The following MMD variants were observed in gnomAD, a reference collection of about 807,000 sequenced individuals.
MMD encodes monocyte to macrophage differentiation factor.
A neutral mutation model predicts 33.6 loss-of-function variants in MMD; 22 were observed. The observed-to-expected ratio is 0.66, with a 90% CI of 0.47 to 0.94. The LOEUF is 0.94. Ranked by LOEUF, MMD falls within the 40% of genes least tolerant of loss-of-function variation. MMD has a pLI of 0.00. For missense variants in MMD, 242 were observed against 309.8 expected (o/e 0.78, Z 1.64); for synonymous variants, 97 against 103.2 (o/e 0.94, Z 0.36).
intron 1 of MMD, 82 bp downstream of exon 1, chr17:55,421,588 G>T: frequency 6.4e-7 from 1 of 1,567,844 alleles, no homozygotes; most frequent in Non-Finnish European, 8.7e-7. Flanking sequence ...CAGGTGAGGA[G>T]CCGGGAGCCG....
In MMD at chr17:55,403,887, CA is replaced by C; in HGVS notation, c.345-20del. On this transcript the variant is annotated intron_variant, in intron 4 of 6. Coordinates refer to ENST00000262065, the MANE Select transcript of MMD (RefSeq NM_012329.3). ...ATTTAACCTAAAAATGTAAACGTGA[CA>C]ACAAAGAACAGAAGTGATAAATGAA... 6.4e-7 allele frequency: 1 copy of C among 1,554,624 alleles called. No homozygotes were observed. Among genetic ancestry groups the C allele is most frequent in the Non-Finnish European group, 8.9e-7 (1 of 1,128,718 alleles).
rs1453051535 is a variant in MMD, at chr17:55,401,604, C to G, written c.447-66G>C. 3 of 1,288,750 alleles carry G rather than the reference C, an allele frequency of 2.3e-6. No individual in the cohort carries two copies. The East Asian group carries it at 7.1e-5, about 30-fold the overall frequency. The allele number at this position is 1,288,750 out of a possible 1,614,324, so 79.8% of individuals were successfully genotyped here. On this transcript the variant is annotated intron_variant, in intron 5 of 6. Coordinates refer to ENST00000262065, the MANE Select transcript of MMD (RefSeq NM_012329.3). ...CTATAACACCTAACAATTTACATAC[C>G]AGCCTTTCCTTTTTACTTTTGAGAA...
chr17:55,400,155 T>A (rs76641702), intron 6 of MMD, among the ~76,000 whole-genome samples: 8 of 152,224 alleles, frequency 5.3e-5, no homozygotes, highest in African/African-American at 1.9e-4. Context: ...TATTTTGTTA[T>A]ATTCTCATGA....
intron 4 of MMD, among the ~76,000 whole-genome samples, chr17:55,407,410 TC>T (rs1418843832): frequency 6.6e-6 from 1 of 152,184 alleles, no homozygotes; most frequent in Non-Finnish European, 1.5e-5. Flanking sequence ...TTTCTAGTGT[TC>T]TGAACAATAG....
rs1906986252 is a variant in MMD at position 55,393,275 on chromosome 17, A to ATT, written c.*1058_*1059insAA. 6.6e-6 allele frequency: 1 copy of ATT among 151,474 alleles called. No homozygotes were observed. Among genetic ancestry groups the ATT allele is most frequent in the Non-Finnish European group, 1.5e-5 (1 of 67,876 alleles). The allele number at this position is 151,474 out of a possible 1,614,324, so 9.4% of individuals were successfully genotyped here. ...GGAAAAAAAAAAAAAAACACAATATATGAGAAGATGCAAAGGAAAGGCAGA... is the reference window on the plus strand; with the variant it reads ...GGAAAAAAAAAAAAAAACACAATATATTTGAGAAGATGCAAAGGAAAGGCAGA... On this transcript the variant is annotated 3_prime_UTR_variant, in exon 7 of 7. Coordinates refer to ENST00000262065, the MANE Select transcript of MMD (RefSeq NM_012329.3).
rs763387956 is a variant in MMD at position 55,394,481 on chromosome 17, C to T, written c.570G>A (p.Leu190=). Residue 190 remains leucine, a synonymous_variant, in exon 7 of 7, where the codon TTG becomes TTA. Transcript: ENST00000262065. ...CATCACTCTTGAAGAACACAACTCC[C>T]AAGCAATAAATTAAGCCCCCACAGG... is the stretch of plus-strand genomic sequence containing the variant. The part of the protein sequence containing the change: ...ELACGGLIYC[L]GVVFFKSDGI... 2 of 1,540,368 alleles carry T rather than the reference C, an allele frequency of 1.3e-6. No individual in the cohort carries two copies. Among genetic ancestry groups the T allele is most frequent in the Non-Finnish European group, 8.7e-7 (1 of 1,147,806 alleles).
At chr17:55,415,532 A>T (rs764746159) in intron 1 of MMD, among the ~76,000 whole-genome samples, 16 of 152,236 alleles carry the variant, frequency 1.1e-4, no homozygotes, top group Non-Finnish European at 2.4e-4. Flanking sequence ...AGTTGCCAAA[A>T]ATTGGCTAAA....
At chr17:55,411,186 A>G in intron 3 of MMD, 71 bp downstream of exon 3, 1 of 1,511,980 alleles carries the variant, frequency 6.6e-7, no homozygotes, top group Non-Finnish European at 8.9e-7. Flanking sequence ...AAAGCATGCC[A>G]GCTTGGAAGG....
chr17:55,410,841 G>C (rs1028042007), intron 3 of MMD, among the ~76,000 whole-genome samples: 1 of 152,164 alleles, frequency 6.6e-6, no homozygotes, highest in African/African-American at 2.4e-5. Flanking sequence ...ACAAGGTCAA[G>C]TGATTTACCC....
In MMD at chr17:55,414,200, C is replaced by T. The variant is rs1164941903; in HGVS notation, c.59G>A (p.Arg20His). 3 of 1,613,720 alleles carry T rather than the reference C, an allele frequency of 1.9e-6. No individual in the cohort carries two copies. The highest frequency in any genetic ancestry group is 3.3e-5 in the Admixed American group (2 of 59,984). Residue 20 changes from arginine (R) to histidine (H), a missense_variant, in exon 2 of 7, where the codon CGC (arginine) becomes CAC (histidine). Arg to His is a conservative substitution (Grantham distance 29, BLOSUM62 0). Coordinates refer to ENST00000262065, the MANE Select transcript of MMD (RefSeq NM_012329.3). ...FMNHRAPANGRYKPTCYEHAA... is the reference protein window; with the variant it reads ...FMNHRAPANGHYKPTCYEHAA... Reference sequence around the variant, plus strand: ...ATGTTCATAGCAAGTTGGCTTGTAGCGGCCATTGGCTGGAGCTCGATGGTT... The same window carrying T: ...ATGTTCATAGCAAGTTGGCTTGTAGTGGCCATTGGCTGGAGCTCGATGGTT...
At position 55,393,784 on chromosome 17, in the gene MMD, A is replaced by G. The variant is rs560791394; in HGVS notation, c.*550T>C. On this transcript the variant is annotated 3_prime_UTR_variant, in exon 7 of 7. Transcript: ENST00000262065. The stretch of plus-strand genomic sequence containing the variant: ...TGACTGCTTGCTGCAAAAATTTACA[A>G]CATGAATGAGGACCTGCAGAGATGC... 6.6e-6 allele frequency: 1 copy of G among 152,670 alleles called. No individual in the cohort carries two copies. Among genetic ancestry groups the G allele is most frequent in the East Asian group, 1.9e-4 (1 of 5,202 alleles). 9.5% of individuals were successfully genotyped at this position (152,670 alleles called of 1,614,324 possible).
At chr17:55,407,594 G>A (rs1567848913) in intron 4 of MMD, 152 bp downstream of exon 4, 2 of 638,832 alleles carry the variant, frequency 3.1e-6, no homozygotes, top group Non-Finnish European at 5.3e-6. Flanking sequence ...ATCAAATGGG[G>A]AAAAAAATGC....
chr17:55,408,284 T>C (rs1907634448), intron 3 of MMD, among the ~76,000 whole-genome samples: 2 of 152,182 alleles, frequency 1.3e-5, no homozygotes, highest in Admixed American at 6.5e-5. Context: ...TCTTTGTGTC[T>C]TTTTAGAAGG....
chr17:55,410,166 C>T, intron 3 of MMD, among the ~76,000 whole-genome samples: 1 of 152,140 alleles, frequency 6.6e-6, no homozygotes, highest in East Asian at 1.9e-4. Context: ...AGCCTCAGTT[C>T]CCCCAAATAA....
At chr17:55,406,050 T>C (rs1181345640) in intron 4 of MMD, among the ~76,000 whole-genome samples, 1 of 152,234 alleles carries the variant, frequency 6.6e-6, no homozygotes, top group African/African-American at 2.4e-5. Flanking sequence ...TAAACACACT[T>C]GCTATATAGT....
rs1440936805 is a variant in MMD, at chr17:55,392,918, T to C, written c.*1416A>G. 2 of 152,050 alleles carry C rather than the reference T, an allele frequency of 1.3e-5. No homozygotes were observed. Among genetic ancestry groups the C allele is most frequent in the Non-Finnish European group, 2.9e-5 (2 of 68,008 alleles). The allele number at this position is 152,050 out of a possible 1,614,324, so 9.4% of individuals were successfully genotyped here. A position where few individuals can be genotyped will look rare whatever the true frequency, so the allele number is the denominator to read the frequency against. Reference sequence around the variant, plus strand: ...CAGAGAGTTCTAAACATATACAAAATAAACCTCTTTTAAAGCCACATCAGT... The same window carrying C: ...CAGAGAGTTCTAAACATATACAAAACAAACCTCTTTTAAAGCCACATCAGT... On this transcript the variant is annotated 3_prime_UTR_variant, in exon 7 of 7. Coordinates refer to ENST00000262065, the MANE Select transcript of MMD (RefSeq NM_012329.3).
intron 1 of MMD, among the ~76,000 whole-genome samples, chr17:55,418,950 G>A (rs1908074327): frequency 6.6e-6 from 1 of 152,146 alleles, no homozygotes; most frequent in African/African-American, 2.4e-5. Context: ...AGAGCTCTGT[G>A]GATCTTATGC....
chr17:55,421,736 G>C lies in MMD; in HGVS notation c.-41C>G. On this transcript the variant is annotated 5_prime_UTR_variant, in exon 1 of 7. Coordinates refer to ENST00000262065, the MANE Select transcript of MMD (RefSeq NM_012329.3). ...CCTCGGGGGCCAGGAGCTCCGTCTC[G>C]TCAGCACCGGCGGCCGGGCGCGCGG... is the stretch of plus-strand genomic sequence containing the variant. 6.4e-7 allele frequency: 1 copy of C among 1,567,568 alleles called. No homozygotes were observed. Among genetic ancestry groups the C allele is most frequent in the Non-Finnish European group, 8.6e-7 (1 of 1,160,180 alleles).
chr17:55,402,690 A>G (rs1907395768), intron 5 of MMD, among the ~76,000 whole-genome samples: 1 of 152,186 alleles, frequency 6.6e-6, no homozygotes, highest in Non-Finnish European at 1.5e-5. Context: ...GGAAAAGGAG[A>G]AAAGATAGTT....
Sources: allele counts gnomAD v4.1 joint callset (sites outside exome capture counted in the v4.1 genomes callset), GRCh38; gene constraint gnomAD v4.1.1; transcripts MANE v1.5; gene names NCBI Gene and HGNC (gene_info 2026-07-23, HGNC 2026-07-21).